XKR3: variants seen among roughly 807,000 people sequenced by gnomAD.
The protein encoded by XKR3 is XK-related protein 3.
Under a neutral mutation model 40.3 loss-of-function variants are expected in XKR3, and 27 were observed. That is an observed-to-expected ratio of 0.67 (90% CI 0.49 to 0.92). XKR3 has a LOEUF of 0.92. Among genes scored for constraint, XKR3 ranks in the 40% least tolerant of loss-of-function variants. The pLI is 0.00. For missense variants in XKR3, 472 were observed against 537.6 expected (o/e 0.88, Z 1.21); for synonymous variants, 193 against 195.4 (o/e 0.99, Z 0.10).
At chr22:16,807,485 G>T (rs1014634753) in intron 2 of XKR3, among the ~76,000 whole-genome samples, 2 of 152,120 alleles carry the variant, frequency 1.3e-5, no homozygotes, top group Non-Finnish European at 2.9e-5. Flanking sequence ...GTAAAGACTG[G>T]AATACAACAC....
chr22:16,795,347 T>C (rs943450821), intron 3 of XKR3, among the ~76,000 whole-genome samples: 38 of 152,288 alleles, frequency 2.5e-4, no homozygotes, highest in Admixed American at 2.0e-3. Context: ...AAAATAATTA[T>C]TTGAAATAAA....
In XKR3 at chr22:16,783,862, G is replaced by A. The variant is rs1264180455; in HGVS notation, c.1137C>T (p.Ala379=). ...ATAGGTAGCTTATGATGAGCTGCAC[G>A]GCAATTAATGAGTCACAACAATTCA... The part of the protein sequence containing the change: ...TLLNCCDSLI[A]VQLIISYLLA... Residue 379 remains alanine, a synonymous_variant, in exon 4 of 4, where the codon GCC becomes GCT. Coordinates refer to ENST00000684488, the MANE Select transcript of XKR3 (RefSeq NM_001386955.1). The A allele has an allele frequency of 2.5e-6, 4 of 1,614,098 alleles. No homozygotes were observed. Among genetic ancestry groups the A allele is most frequent in the Admixed American group, 1.7e-5 (1 of 60,012 alleles).
chr22:16,814,299 T>C (rs2060224529), intron 1 of XKR3, among the ~76,000 whole-genome samples: 1 of 152,180 alleles, frequency 6.6e-6, no homozygotes, highest in Non-Finnish European at 1.5e-5. Context: ...CATTTACTTA[T>C]CTTGGTACCT....
Position 16,783,990 on chromosome 22 carries a change from C to T in XKR3, c.1009G>A (p.Gly337Arg). 1.2e-6 allele frequency: 2 copies of T among 1,614,180 alleles called. No individual in the cohort carries two copies. The highest frequency in any genetic ancestry group is 1.7e-6 in the Non-Finnish European group (2 of 1,180,042). ...ATTCTATGGCCCCACCTCTGTCTCC[C>T]GTCAATTATTTTGTCATCTGACAAC... ...LQLSDDKIID[G>R]RQRWGHRILH... The change falls in exon 4 of 4, where the codon GGG becomes AGG. Residue 337 changes from glycine to arginine, a missense_variant. Gly to Arg is a moderately radical substitution (Grantham distance 125). Coordinates refer to ENST00000684488, the MANE Select transcript of XKR3 (RefSeq NM_001386955.1).
intron 3 of XKR3, among the ~76,000 whole-genome samples, chr22:16,790,668 T>C (rs1427943101): frequency 6.6e-6 from 1 of 152,148 alleles, no homozygotes; most frequent in African/African-American, 2.4e-5. Context: ...AGTTTACTTA[T>C]ATAACAAACC....
chr22:16,822,664 A>G (rs1456189847), intron 1 of XKR3, among the ~76,000 whole-genome samples: 4 of 152,206 alleles, frequency 2.6e-5, no homozygotes, highest in African/African-American at 4.8e-5. Flanking sequence ...TGGAATGGCT[A>G]TATTAATATC....
rs1442333910 is a variant in XKR3 at position 16,793,442 on chromosome 22, C to T, written c.589+6329G>A. On this transcript the variant is annotated intron_variant, in intron 3 of 3. Coordinates refer to ENST00000684488, the MANE Select transcript of XKR3 (RefSeq NM_001386955.1). ...TAAATAATTTTGCGTAATTCCAGTA[C>T]ACGGGTTAAGAGAAAACTGACATTG... Among the ~76,000 whole-genome samples the T allele has an allele frequency of 5.3e-5, 8 of 152,304 alleles. 1 individual carries two copies. The highest frequency in any genetic ancestry group is 1.9e-4 in the African/African-American group (8 of 41,572).
Position 16,790,056 on chromosome 22 carries a change from C to T in XKR3, c.590-5647G>A, listed in dbSNP as rs986352885. On this transcript the variant is annotated intron_variant, in intron 3 of 3. Transcript: ENST00000684488. Reference sequence around the variant, plus strand: ...CTGGGGTCTGAGTCAGGAGGATCACCTGAACCTAGGAGTGCAAGGCTGTAG... The same window carrying T: ...CTGGGGTCTGAGTCAGGAGGATCACTTGAACCTAGGAGTGCAAGGCTGTAG... 4.7e-3 allele frequency among the ~76,000 whole-genome samples: 717 copies of T among 152,222 alleles called. 7 individuals are homozygous for T. Among genetic ancestry groups the T allele is most frequent in the African/African-American group, 0.017 (689 of 41,552 alleles).
Position 16,799,776 on chromosome 22 carries a change from T to G in XKR3, c.584A>C (p.Asn195Thr). ...CATCAAGTAACTCAACTTACCTCTATTCAAAGGCCATTCTCGTATAGTGAG... is the reference window on the plus strand; with the variant it reads ...CATCAAGTAACTCAACTTACCTCTAGTCAAAGGCCATTCTCGTATAGTGAG... Reference protein sequence around the residue: ...ISLTIREWPLNRALLMTFSLL... With the variant: ...ISLTIREWPLTRALLMTFSLL... Residue 195 changes from asparagine (N) to threonine (T), a missense_variant, in exon 3 of 4, where the codon AAT becomes ACT. Asn to Thr is a moderately conservative substitution (Grantham distance 65). Coordinates refer to ENST00000684488, the MANE Select transcript of XKR3 (RefSeq NM_001386955.1). 1 of 1,614,014 alleles carries G rather than the reference T, an allele frequency of 6.2e-7. No homozygotes were observed. The highest frequency in any genetic ancestry group is 8.5e-7 in the Non-Finnish European group (1 of 1,179,992).
At chr22:16,798,930 C>T (rs2060154267) in intron 3 of XKR3, among the ~76,000 whole-genome samples, 1 of 152,150 alleles carries the variant, frequency 6.6e-6, no homozygotes, top group Non-Finnish European at 1.5e-5. Flanking sequence ...TGATGGGATC[C>T]ATACTCCAAA....
chr22:16,794,293 C>A (rs1333002151), intron 3 of XKR3, among the ~76,000 whole-genome samples: 2 of 151,912 alleles, frequency 1.3e-5, no homozygotes, highest in East Asian at 1.9e-4. Context: ...AACAAACAAA[C>A]AAAAGAAAGG....
At chr22:16,784,960 T>C (rs1207776533) in intron 3 of XKR3, among the ~76,000 whole-genome samples, 1 of 152,168 alleles carries the variant, frequency 6.6e-6, no homozygotes, top group Non-Finnish European at 1.5e-5. Context: ...GCTGACAGAT[T>C]CTGCTGAGTG....
At chr22:16,787,525 C>T (rs1221916234) in intron 3 of XKR3, among the ~76,000 whole-genome samples, 1 of 148,934 alleles carries the variant, frequency 6.7e-6, no homozygotes, top group Non-Finnish European at 1.5e-5. Flanking sequence ...CGCCATTGCA[C>T]TCCAGCCTAG....
chr22:16,784,344 T>A lies in XKR3; in HGVS notation c.655A>T (p.Ile219Phe), dbSNP rs1433725864. 23 of 1,613,920 alleles carry A rather than the reference T, an allele frequency of 1.4e-5. No individual in the cohort carries two copies. In the African/African-American group the frequency reaches 2.9e-4, roughly 21 times the overall value. The change falls in exon 4 of 4, where the codon ATC becomes TTC. Residue 219 changes from isoleucine to phenylalanine, a missense_variant. Transcript: ENST00000684488. Reference sequence around the variant, plus strand: ...GTAGTATCATCATTGCTGATCTGGATGGCCAGTATATTGCAGCGAATGGCC... The same window carrying A: ...GTAGTATCATCATTGCTGATCTGGAAGGCCAGTATATTGCAGCGAATGGCC... ...YGAIRCNILA[I>F]QISNDDTTIK... is the part of the protein sequence containing the mutation.
chr22:16,814,274 T>C (rs969545081), intron 1 of XKR3, among the ~76,000 whole-genome samples: 3 of 152,200 alleles, frequency 2.0e-5, no homozygotes, highest in African/African-American at 7.2e-5. Flanking sequence ...TCTTGAGATT[T>C]TGACTATGTT....
intron 2 of XKR3, among the ~76,000 whole-genome samples, chr22:16,803,673 T>G (rs1218513682): frequency 6.6e-6 from 1 of 152,062 alleles, no homozygotes; most frequent in East Asian, 1.9e-4. Flanking sequence ...GCCACAAGAG[T>G]GACCTCTGGT....
At position 16,784,030 on chromosome 22, in the gene XKR3, T is replaced by C; in HGVS notation, c.969A>G (p.Ser323=). 6.2e-7 allele frequency: 1 copy of C among 1,614,244 alleles called. No homozygotes were observed. The highest frequency in any genetic ancestry group is 8.5e-7 in the Non-Finnish European group (1 of 1,180,036). ...CATCTGACAACTGCAGTTTCACTGC[T>C]GACCAGCAGGAGAAGTTGATGGCAG... The part of the protein sequence containing the change: ...LYAAINFSCW[S]AVKLQLSDDK... Residue 323 remains serine (S), a synonymous_variant, in exon 4 of 4, where the codon TCA becomes TCG. Coordinates refer to ENST00000684488, the MANE Select transcript of XKR3 (RefSeq NM_001386955.1).
At chr22:16,816,225 T>A (rs1431675211) in intron 1 of XKR3, among the ~76,000 whole-genome samples, 1 of 151,946 alleles carries the variant, frequency 6.6e-6, no homozygotes, top group East Asian at 1.9e-4. Flanking sequence ...ATTTTCTGTC[T>A]CTGCCTTTGC....
rs748808434 is a variant in XKR3, at chr22:16,807,883, G to GACA, written c.190_191insTGT (p.Thr64delinsMetSer). ...GCTGATGGTAAATGACATCCAGAAT[G>GACA]TGTCATTAGCTTTTCGATAAATTTC... On this transcript the variant is annotated protein_altering_variant, in exon 2 of 4. Coordinates refer to ENST00000684488, the MANE Select transcript of XKR3 (RefSeq NM_001386955.1). The GACA allele has an allele frequency of 2.5e-6, 4 of 1,614,010 alleles. No homozygotes were observed. Among genetic ancestry groups the GACA allele is most frequent in the Non-Finnish European group, 3.4e-6 (4 of 1,179,912 alleles).
Sources: gnomAD v4.1 joint callset for allele counts (sites outside exome capture counted in the v4.1 genomes callset) on GRCh38, gnomAD v4.1.1 for gene constraint, MANE v1.5 for transcripts, NCBI Gene and HGNC (gene_info 2026-07-23, HGNC 2026-07-21) for gene names.